The following EFNA5 variants were observed in gnomAD, a reference collection of about 807,000 sequenced individuals.
EFNA5 encodes the protein ephrin A5, also known as ephrin-A5.
Under a neutral mutation model 22.9 loss-of-function variants are expected in EFNA5, and 5 were observed. The observed-to-expected ratio is 0.22, with a 90% CI of 0.11 to 0.46. The LOEUF (loss-of-function observed/expected upper bound fraction) is 0.46, where lower values mean the gene tolerates loss of function less well. EFNA5 is among the 20% of genes least tolerant of loss of function. The pLI is 0.99. For missense variants in EFNA5, 237 were observed against 293.3 expected, an observed-to-expected ratio of 0.81 and a Z score of 1.40; for synonymous variants, 113 against 112.2, an observed-to-expected ratio of 1.01 and a Z score of -0.04.
intron 1 of EFNA5, among the ~76,000 whole-genome samples, chr5:107,520,006 A>C (rs904615658): frequency 6.6e-6 from 1 of 152,038 alleles, no homozygotes; most frequent in Non-Finnish European, 1.5e-5. Context: ...TAAAGGGGGG[A>C]AACAGCCCTC....
chr5:107,666,298 T>C (rs995068490), intron 1 of EFNA5, among the ~76,000 whole-genome samples: 7 of 151,914 alleles, frequency 4.6e-5, no homozygotes, highest in Admixed American at 6.6e-5. Flanking sequence ...AGAAGAAAAA[T>C]ACTCAAGGGA....
chr5:107,609,417 G>C (rs374290463), intron 1 of EFNA5, among the ~76,000 whole-genome samples: 79 of 152,222 alleles, frequency 5.2e-4, no homozygotes, highest in African/African-American at 1.9e-3. Context: ...CTGCCTTCCC[G>C]TGACTTGGCC....
intron 1 of EFNA5, among the ~76,000 whole-genome samples, chr5:107,543,926 A>T (rs1184994285): frequency 1.3e-5 from 2 of 152,186 alleles, no homozygotes; most frequent in Non-Finnish European, 2.9e-5. Context: ...CAAAATCAAA[A>T]GGTGCAGAGC....
intron 2 of EFNA5, among the ~76,000 whole-genome samples, chr5:107,402,087 A>G (rs1375325460): frequency 3.3e-5 from 5 of 152,240 alleles, no homozygotes; most frequent in Non-Finnish European, 7.3e-5. Context: ...GAAGATGAAT[A>G]CATGGTTTCA....
At chr5:107,393,993 C>T (rs906094629) in intron 2 of EFNA5, among the ~76,000 whole-genome samples, 1 of 152,158 alleles carries the variant, frequency 6.6e-6, no homozygotes, top group African/African-American at 2.4e-5. Flanking sequence ...CTTGTTAAAA[C>T]AAAAGTTAGG....
chr5:107,589,846 G>A (rs889627149), intron 1 of EFNA5, among the ~76,000 whole-genome samples: 1 of 152,164 alleles, frequency 6.6e-6, no homozygotes, highest in Non-Finnish European at 1.5e-5. Context: ...TTACCCGTGT[G>A]CTAAGAAAAC....
At chr5:107,592,001 TATATAATATATATA>T (rs1561443190) in intron 1 of EFNA5, among the ~76,000 whole-genome samples, 1 of 49,052 alleles carries the variant, frequency 2.0e-5, no homozygotes, top group Non-Finnish European at 3.4e-5. Context: ...ATATATATAA[TATATAATATATATA>T]ATATAATATA....
intron 2 of EFNA5, among the ~76,000 whole-genome samples, chr5:107,398,891 C>A (rs993061977): frequency 2.7e-5 from 4 of 148,770 alleles, no homozygotes; most frequent in African/African-American, 9.9e-5. Flanking sequence ...CTAGCTGCAA[C>A]GTGATTTGTT....
At chr5:107,660,895 A>G (rs1199454073) in intron 1 of EFNA5, among the ~76,000 whole-genome samples, 2 of 152,120 alleles carry the variant, frequency 1.3e-5, no homozygotes, top group African/African-American at 2.4e-5. Flanking sequence ...GTGCTGGGTC[A>G]CTAAATTTTA....
chr5:107,659,625 ATGAAG>A (rs1750902894), intron 1 of EFNA5, among the ~76,000 whole-genome samples: 1 of 151,766 alleles, frequency 6.6e-6, no homozygotes, highest in Admixed American at 6.6e-5. Flanking sequence ...TACATAATAA[ATGAAG>A]TGATTAGCTC....
intron 1 of EFNA5, 116 bp downstream of exon 1, chr5:107,670,373 G>C: frequency 7.6e-7 from 1 of 1,310,754 alleles, no homozygotes; most frequent in Non-Finnish European, 9.9e-7. Context: ...CCCGGGCGAC[G>C]CAGGCTCCGA....
intron 1 of EFNA5, among the ~76,000 whole-genome samples, chr5:107,451,351 A>AAAAT (rs1381317383): frequency 6.6e-6 from 1 of 152,254 alleles, no homozygotes; most frequent in South Asian, 2.1e-4. Context: ...GTGTAAAGCA[A>AAAAT]AAATAAATAA....
intron 3 of EFNA5, 92 bp downstream of exon 3, chr5:107,387,614 C>T: frequency 1.2e-6 from 1 of 838,750 alleles, no homozygotes; most frequent in Non-Finnish European, 1.9e-6. Context: ...CAAGATTTAA[C>T]AGTAAAAAAA....
At chr5:107,612,090 G>C (rs1258495963) in intron 1 of EFNA5, among the ~76,000 whole-genome samples, 1 of 152,062 alleles carries the variant, frequency 6.6e-6, no homozygotes, top group East Asian at 1.9e-4. Flanking sequence ...GTTAACAAAG[G>C]ATTTGAACAT....
intron 1 of EFNA5, among the ~76,000 whole-genome samples, chr5:107,504,478 T>C (rs1747210667): frequency 6.6e-6 from 1 of 152,176 alleles, no homozygotes; most frequent in African/African-American, 2.4e-5. Context: ...TGCTATTCTC[T>C]CTTCTTTTAT....
chr5:107,457,152 G>A (rs1749716910), intron 1 of EFNA5, among the ~76,000 whole-genome samples: 1 of 152,150 alleles, frequency 6.6e-6, no homozygotes, highest in South Asian at 2.1e-4. Flanking sequence ...TTTAACAGAT[G>A]TAAAGTGTGT....
intron 1 of EFNA5, among the ~76,000 whole-genome samples, chr5:107,658,325 T>G (rs1750872011): frequency 6.6e-6 from 1 of 152,210 alleles, no homozygotes. Flanking sequence ...TAGACATTTA[T>G]GACAGGATCC....
At chr5:107,575,755 C>T (rs1049104842) in intron 1 of EFNA5, among the ~76,000 whole-genome samples, 3 of 152,032 alleles carry the variant, frequency 2.0e-5, no homozygotes, top group Non-Finnish European at 4.4e-5. Flanking sequence ...GGTAAAAATT[C>T]AAGGTATCAG....
chr5:107,641,135 A>G (rs1170364408), intron 1 of EFNA5, among the ~76,000 whole-genome samples: 1 of 152,140 alleles, frequency 6.6e-6, no homozygotes, highest in Non-Finnish European at 1.5e-5. Flanking sequence ...AGGCAGGTGG[A>G]TTGCTTGAGG....
Sources: gnomAD v4.1 joint callset for allele counts (sites outside exome capture counted in the v4.1 genomes callset) on GRCh38, gnomAD v4.1.1 for gene constraint, MANE v1.5 for transcripts, NCBI Gene and HGNC (gene_info 2026-07-23, HGNC 2026-07-21) for gene names.